FOXN3: variants seen among roughly 807,000 people sequenced by gnomAD.
FOXN3 encodes the protein forkhead box N3.
In FOXN3, 7 loss-of-function variants were observed where a neutral mutation model predicts 38.4. That is an observed-to-expected ratio of 0.18 (90% CI 0.10 to 0.34). The LOEUF is 0.34. Ranked by LOEUF, FOXN3 falls within the 10% of genes least tolerant of loss-of-function variation. The pLI, the probability that FOXN3 is intolerant of heterozygous loss-of-function variation, is 1.00. For synonymous variants in FOXN3, 230 were observed against 242.2 expected (o/e 0.95, Z 0.47); for missense variants, 456 against 613.4 (o/e 0.74, Z 2.71).
chr14:89,351,619 G>A (rs1441969855), intron 2 of FOXN3, among the ~76,000 whole-genome samples: 1 of 152,212 alleles, frequency 6.6e-6, no homozygotes, highest in Non-Finnish European at 1.5e-5. Context: ...GAGGCCCCCC[G>A]GAACTGGCAG....
chr14:89,398,130 G>A (rs1481152221), intron 2 of FOXN3, among the ~76,000 whole-genome samples: 1 of 152,172 alleles, frequency 6.6e-6, no homozygotes, highest in African/African-American at 2.4e-5. Context: ...TCTGGCCTTT[G>A]CCCAATCCCC....
intron 1 of FOXN3, among the ~76,000 whole-genome samples, chr14:89,513,525 A>T (rs1212731664): frequency 6.6e-6 from 1 of 151,904 alleles, no homozygotes; most frequent in African/African-American, 2.4e-5. Context: ...CAGACATGAG[A>T]TGAGCCACTG....
At chr14:89,497,513 T>C (rs1455018977) in intron 1 of FOXN3, among the ~76,000 whole-genome samples, 1 of 151,508 alleles carries the variant, frequency 6.6e-6, no homozygotes, top group Non-Finnish European at 1.5e-5. Context: ...TTCAAGCAAT[T>C]CTTCTGCCTC....
At chr14:89,530,141 T>C (rs2139834553) in intron 1 of FOXN3, among the ~76,000 whole-genome samples, 1 of 152,222 alleles carries the variant, frequency 6.6e-6, no homozygotes, top group African/African-American at 2.4e-5. Context: ...GGTTTCATCA[T>C]GTTGGTCAGG....
At chr14:89,398,778 G>T (rs1891166786) in intron 2 of FOXN3, among the ~76,000 whole-genome samples, 1 of 152,196 alleles carries the variant, frequency 6.6e-6, no homozygotes, top group Non-Finnish European at 1.5e-5. Flanking sequence ...CTGAGGTCGG[G>T]AGTTCAAGAC....
intron 1 of FOXN3, among the ~76,000 whole-genome samples, chr14:89,614,474 A>G (rs1415477898): frequency 1.3e-5 from 2 of 152,164 alleles, no homozygotes; most frequent in Non-Finnish European, 2.9e-5. Context: ...TTCCTAGGGT[A>G]CACTGTATTA....
At chr14:89,558,953 AC>A (rs1402254085) in intron 1 of FOXN3, among the ~76,000 whole-genome samples, 2 of 151,866 alleles carry the variant, frequency 1.3e-5, no homozygotes, top group African/African-American at 4.8e-5. Flanking sequence ...CTTCTGATTT[AC>A]CCCCTCGCAT....
Position 89,389,965 on chromosome 14 carries a change from A to G in FOXN3, c.543+21969T>C, listed in dbSNP as rs546848580. Among the ~76,000 whole-genome samples the G allele has an allele frequency of 1.4e-3, 216 of 152,218 alleles. 1 individual carries two copies. Among genetic ancestry groups the G allele is most frequent in the African/African-American group, 4.6e-3 (192 of 41,548 alleles). On this transcript the variant is annotated intron_variant, in intron 2 of 5. Transcript: ENST00000557258. Reference sequence around the variant, plus strand: ...CCAGGCACAGTGGCTCACACCTGCTATCCCAGCACTTTGGGAGGCCGAGGT... The same window carrying G: ...CCAGGCACAGTGGCTCACACCTGCTGTCCCAGCACTTTGGGAGGCCGAGGT...
At chr14:89,514,796 G>A (rs1483447547) in intron 1 of FOXN3, among the ~76,000 whole-genome samples, 1 of 152,114 alleles carries the variant, frequency 6.6e-6, no homozygotes. Flanking sequence ...TGCCTCCCAT[G>A]TATCTATCTG....
At chr14:89,370,864 A>C (rs990863623) in intron 2 of FOXN3, among the ~76,000 whole-genome samples, 1 of 152,226 alleles carries the variant, frequency 6.6e-6, no homozygotes, top group East Asian at 1.9e-4. Context: ...CTTTAAGTAC[A>C]TAATGAAACT....
chr14:89,496,453 C>T (rs1893685981), intron 1 of FOXN3, among the ~76,000 whole-genome samples: 1 of 151,964 alleles, frequency 6.6e-6, no homozygotes, highest in Non-Finnish European at 1.5e-5. Flanking sequence ...GAGTGCCAGC[C>T]CAAGTCCTGA....
chr14:89,593,411 G>C (rs1191038280), intron 1 of FOXN3, among the ~76,000 whole-genome samples: 1 of 152,130 alleles, frequency 6.6e-6, no homozygotes, highest in Admixed American at 6.5e-5. Context: ...GGCCAAGGCG[G>C]GTAGATCACC....
chr14:89,446,414 C>G (rs1596277074), intron 1 of FOXN3, among the ~76,000 whole-genome samples: 1 of 151,974 alleles, frequency 6.6e-6, no homozygotes, highest in Admixed American at 6.6e-5. Context: ...GTCTCAAACT[C>G]CTGACCTCAA....
At chr14:89,330,108 G>C (rs1372821041) in intron 3 of FOXN3, among the ~76,000 whole-genome samples, 2 of 152,196 alleles carry the variant, frequency 1.3e-5, no homozygotes, top group East Asian at 3.9e-4. Context: ...TGGAGTTAGA[G>C]AGACATCCTC....
chr14:89,472,352 T>C (rs1893113877), intron 1 of FOXN3, among the ~76,000 whole-genome samples: 1 of 152,054 alleles, frequency 6.6e-6, no homozygotes, highest in South Asian at 2.1e-4. Flanking sequence ...GAGTGACACA[T>C]GTGCACAACT....
rs1887108550 is a variant in FOXN3, at chr14:89,161,609, AG to A, written c.*804del. The A allele has an allele frequency of 1.8e-5, 2 of 108,590 alleles. No homozygotes were observed. Among genetic ancestry groups the A allele is most frequent in the African/African-American group, 6.6e-5 (2 of 30,512 alleles). 6.7% of individuals were successfully genotyped at this position (108,590 alleles called of 1,614,324 possible). A position where few individuals can be genotyped will look rare whatever the true frequency, so the allele number is the denominator to read the frequency against. On this transcript the variant is annotated 3_prime_UTR_variant, in exon 6 of 6. Coordinates refer to ENST00000557258, the MANE Select transcript of FOXN3 (RefSeq NM_005197.4). The stretch of plus-strand genomic sequence containing the variant: ...TGTGTGTGTGTGTGCGTGCGTGCAC[AG>A]GGCCAATCTTCAGGCTTATGGCTTT...
chr14:89,284,486 T>C (rs1201029478), intron 3 of FOXN3: 2 of 456,068 alleles, frequency 4.4e-6, no homozygotes, highest in Non-Finnish European at 8.8e-6. Flanking sequence ...GCTTTCCTCT[T>C]CTGCTCTTCC....
At chr14:89,420,121 G>A (rs1453967313), upstream of FOXN3, among the ~76,000 whole-genome samples, 1 of 152,224 alleles carries the variant, frequency 6.6e-6, no homozygotes, top group Non-Finnish European at 1.5e-5. Context: ...TACCCTGCAG[G>A]TTGGCTTCCT....
chr14:89,441,230 G>C (rs1367365771), intron 1 of FOXN3, among the ~76,000 whole-genome samples: 1 of 151,946 alleles, frequency 6.6e-6, no homozygotes, highest in South Asian at 2.1e-4. Context: ...AACAACAACT[G>C]CATCTGCATA....
Sources: gnomAD v4.1 joint callset for allele counts (sites outside exome capture counted in the v4.1 genomes callset) on GRCh38, gnomAD v4.1.1 for gene constraint, MANE v1.5 for transcripts, NCBI Gene and HGNC (gene_info 2026-07-23, HGNC 2026-07-21) for gene names.